Variants in ZBTB7C observed in about 807,000 individuals in gnomAD.
The protein encoded by ZBTB7C is zinc finger and BTB domain containing 7C, also known as zinc finger and BTB domain-containing protein 7C.
Under a neutral mutation model 25.7 loss-of-function variants are expected in ZBTB7C, and 8 were observed. The observed-to-expected ratio is 0.31, with a 90% confidence interval of 0.18 to 0.56. The LOEUF (loss-of-function observed/expected upper bound fraction) is 0.56. ZBTB7C is among the 20% of genes least tolerant of loss of function. The pLI is 0.91. For missense variants in ZBTB7C, 824 were observed against 855.2 expected, an observed-to-expected ratio of 0.96 and a Z score of 0.46; for synonymous variants, 394 against 369.0, an observed-to-expected ratio of 1.07 and a Z score of -0.78.
At chr18:48,262,719 C>T (rs563496756) in intron 2 of ZBTB7C, among the ~76,000 whole-genome samples, 3 of 152,258 alleles carry the variant, frequency 2.0e-5, no homozygotes, top group Admixed American at 6.5e-5. Context: ...AATTTAAGTT[C>T]GAGAAGACTG....
At chr18:48,227,454 G>A (rs1273613000) in intron 2 of ZBTB7C, among the ~76,000 whole-genome samples, 2 of 152,218 alleles carry the variant, frequency 1.3e-5, no homozygotes, top group Non-Finnish European at 2.9e-5. Flanking sequence ...AGAAGGATGT[G>A]TCATTGTCTT....
chr18:48,366,941 G>A (rs918846412), intron 1 of ZBTB7C, among the ~76,000 whole-genome samples: 4 of 151,744 alleles, frequency 2.6e-5, no homozygotes, highest in African/African-American at 4.8e-5. Flanking sequence ...AGGACACACC[G>A]CACTGGTGAC....
At chr18:48,218,974 A>G (rs59208076) in intron 2 of ZBTB7C, among the ~76,000 whole-genome samples, 37,634 of 152,014 alleles carry the variant, frequency 0.25, 5,144 homozygotes, top group Non-Finnish European at 0.3. Flanking sequence ...TGCACACAGG[A>G]CCCTCACCCC....
chr18:48,143,793 C>T (rs1360999726), intron 3 of ZBTB7C, among the ~76,000 whole-genome samples: 1 of 152,176 alleles, frequency 6.6e-6, no homozygotes, highest in Non-Finnish European at 1.5e-5. Flanking sequence ...GTCAGTTCAG[C>T]GAGGATCCCC....
chr18:48,069,670 T>C (rs780834933), intron 3 of ZBTB7C, among the ~76,000 whole-genome samples: 1 of 152,016 alleles, frequency 6.6e-6, no homozygotes, highest in African/African-American at 2.4e-5. Context: ...CTTTGTGCTA[T>C]ATCTACATAA....
At chr18:48,031,904 C>A (rs1277186254) in intron 4 of ZBTB7C, among the ~76,000 whole-genome samples, 2 of 152,110 alleles carry the variant, frequency 1.3e-5, no homozygotes, top group Non-Finnish European at 2.9e-5. Flanking sequence ...GTGCCTGTAC[C>A]CCTGGAGTGA....
At chr18:48,133,966 T>TA (rs1197927238) in intron 3 of ZBTB7C, among the ~76,000 whole-genome samples, 1 of 152,134 alleles carries the variant, frequency 6.6e-6, no homozygotes, top group Non-Finnish European at 1.5e-5. Context: ...AACACTGGGA[T>TA]AGCCAGCTGG....
intron 1 of ZBTB7C, among the ~76,000 whole-genome samples, chr18:48,367,790 A>T (rs2145142786): frequency 6.6e-6 from 1 of 152,146 alleles, no homozygotes; most frequent in African/African-American, 2.4e-5. Flanking sequence ...AACGCTCAGC[A>T]GTAAGGAGAC....
intron 2 of ZBTB7C, among the ~76,000 whole-genome samples, chr18:48,327,116 G>C (rs559796057): frequency 4.1e-4 from 62 of 152,256 alleles, no homozygotes; most frequent in African/African-American, 1.4e-3. Context: ...CGGTCTGCTG[G>C]GCAGCCTGCT....
At chr18:48,389,239 G>C (rs1469950061) in intron 1 of ZBTB7C, among the ~76,000 whole-genome samples, 199 of 51,610 alleles carry the variant, frequency 3.9e-3, no homozygotes, top group African/African-American at 5.6e-3. Context: ...TCTCTCTCGT[G>C]TGTGTGTGTG....
At chr18:48,053,486 C>T (rs1378443094) in intron 3 of ZBTB7C, among the ~76,000 whole-genome samples, 3 of 152,172 alleles carry the variant, frequency 2.0e-5, no homozygotes, top group Non-Finnish European at 4.4e-5. Flanking sequence ...AGTCGCTGTC[C>T]TAAATATTTT....
At chr18:48,147,411 C>T (rs1009084023) in intron 3 of ZBTB7C, among the ~76,000 whole-genome samples, 7 of 152,126 alleles carry the variant, frequency 4.6e-5, no homozygotes, top group East Asian at 1.9e-4. Context: ...TACCACTGAA[C>T]GTAATCTGGA....
intron 1 of ZBTB7C, among the ~76,000 whole-genome samples, chr18:48,372,909 AG>A (rs967293167): frequency 2.1e-4 from 32 of 152,176 alleles, no homozygotes; most frequent in African/African-American, 7.5e-4. Context: ...CTCAATACCC[AG>A]CTTACATGTC....
intron 3 of ZBTB7C, among the ~76,000 whole-genome samples, chr18:48,076,547 T>C (rs2037771678): frequency 6.6e-6 from 1 of 152,162 alleles, no homozygotes; most frequent in South Asian, 2.1e-4. Flanking sequence ...ACCCCAAATA[T>C]TCCCTGCTTT....
intron 3 of ZBTB7C, among the ~76,000 whole-genome samples, chr18:48,146,869 A>AT (rs1178690665): frequency 6.6e-6 from 1 of 152,224 alleles, no homozygotes; most frequent in East Asian, 1.9e-4. Flanking sequence ...GAAGTCACCA[A>AT]ATTTCCTTGT....
At chr18:48,337,586 T>C (rs1598900849) in intron 2 of ZBTB7C, among the ~76,000 whole-genome samples, 1 of 152,330 alleles carries the variant, frequency 6.6e-6, no homozygotes, top group African/African-American at 2.4e-5. Flanking sequence ...CCCCTACTCA[T>C]TACCTCATCC....
At position 48,216,684 on chromosome 18, in the gene ZBTB7C, C is replaced by T. The variant is rs138234067; in HGVS notation, c.-78-30689G>A. On this transcript the variant is annotated intron_variant, in intron 2 of 4. Transcript: ENST00000590800. ...GAAGCCAGCAGTCATCCTAAAACCCCGCTCCGTCAGCCCACACTCTGTGCA... is the reference window on the plus strand; with the variant it reads ...GAAGCCAGCAGTCATCCTAAAACCCTGCTCCGTCAGCCCACACTCTGTGCA... 2.2e-3 allele frequency among the ~76,000 whole-genome samples: 331 copies of T among 152,156 alleles called. 1 individual carries two copies. Among genetic ancestry groups the T allele is most frequent in the African/African-American group, 7.5e-3 (313 of 41,474 alleles).
chr18:48,293,537 T>C (rs1418053071), intron 2 of ZBTB7C, among the ~76,000 whole-genome samples: 1 of 152,178 alleles, frequency 6.6e-6, no homozygotes, highest in East Asian at 1.9e-4. Flanking sequence ...TTTGACACAA[T>C]TTAAATCTGG....
intron 2 of ZBTB7C, among the ~76,000 whole-genome samples, chr18:48,235,376 A>G (rs2043352689): frequency 1.3e-5 from 2 of 152,214 alleles, no homozygotes; most frequent in African/African-American, 4.8e-5. Context: ...TTGAAGTCCA[A>G]AATTAATACC....
Sources: gnomAD v4.1 joint callset for allele counts (sites outside exome capture counted in the v4.1 genomes callset) on GRCh38, gnomAD v4.1.1 for gene constraint, MANE v1.5 for transcripts, NCBI Gene and HGNC (gene_info 2026-07-23, HGNC 2026-07-21) for gene names.